Variants in TIPARP observed in about 807,000 individuals in gnomAD.
TIPARP encodes protein mono-ADP-ribosyltransferase TIPARP.
TIPARP carries 12 observed loss-of-function variants against 56.5 expected under a neutral mutation model. The ratio of observed to expected loss-of-function variants is 0.21; its 90% CI spans 0.14 to 0.34. The LOEUF (loss-of-function observed/expected upper bound fraction) is 0.34. TIPARP is among the 10% of genes least tolerant of loss of function. The pLI is 1.00. For missense variants in TIPARP, 604 were observed against 781.6 expected (o/e 0.77, Z 2.71); for synonymous variants, 296 against 265.7 (o/e 1.11, Z -1.11).
intron 4 of TIPARP, among the ~76,000 whole-genome samples, chr3:156,701,589 A>T (rs1236635684): frequency 6.6e-6 from 1 of 152,198 alleles, no homozygotes; most frequent in Non-Finnish European, 1.5e-5. Flanking sequence ...CAGATTAGTG[A>T]TGGCTTTTTA....
chr3:156,688,383 A>G (rs1722480585), intron 2 of TIPARP, among the ~76,000 whole-genome samples: 2 of 136,388 alleles, frequency 1.5e-5, no homozygotes, highest in African/African-American at 5.2e-5. Flanking sequence ...AAAAAAAAAA[A>G]AAAAAAAAAA....
At chr3:156,701,072 A>G (rs146362804) in intron 4 of TIPARP, among the ~76,000 whole-genome samples, 1 of 152,344 alleles carries the variant, frequency 6.6e-6, no homozygotes, top group African/African-American at 2.4e-5. Flanking sequence ...AGATGTGTAT[A>G]TGCATTTTTA....
rs10631452 is a variant in TIPARP at position 156,695,826 on chromosome 3, C to CTTTTTTTTTTTTTTTT, written c.1087-37_1087-22dup. 43 of 1,031,206 alleles carry CTTTTTTTTTTTTTTTT rather than the reference C, an allele frequency of 4.2e-5. 6 individuals are homozygous for CTTTTTTTTTTTTTTTT. Among genetic ancestry groups the CTTTTTTTTTTTTTTTT allele is most frequent in the South Asian group, 3.4e-4 (11 of 32,826 alleles). The allele number at this position is 1,031,206 out of a possible 1,614,324, so 63.9% of individuals were successfully genotyped here. On this transcript the variant is annotated intron_variant, in intron 3 of 5. Transcript: ENST00000295924. ...TTTTTAACCATGATTATTAACTTTCCTTTTTTTTTTTTTTTTTGTTCTGTT... is the reference window on the plus strand; with the variant it reads ...TTTTTAACCATGATTATTAACTTTCCTTTTTTTTTTTTTTTTTTTTTTTTTTTTTTTTTGTTCTGTT...
At chr3:156,693,993 GT>G (rs748090673) in intron 2 of TIPARP, 26 bp from the exon 3 acceptor site, 110 of 1,560,268 alleles carry the variant, frequency 7.1e-5, no homozygotes, top group Admixed American at 1.9e-4. Flanking sequence ...AGGTTTTTGG[GT>G]TTTTTTTGTT....
intron 2 of TIPARP, among the ~76,000 whole-genome samples, chr3:156,689,906 G>A (rs1722522658): frequency 1.3e-5 from 2 of 152,172 alleles, no homozygotes; most frequent in Non-Finnish European, 2.9e-5. Context: ...TTTTCCAGCA[G>A]AGGTAAGCCA....
At chr3:156,704,001 A>C (rs1451238588) in intron 5 of TIPARP, among the ~76,000 whole-genome samples, 2 of 128,300 alleles carry the variant, frequency 1.6e-5, no homozygotes, top group East Asian at 4.6e-4. Flanking sequence ...CGACAGAGCC[A>C]GACTCCGTCT....
chr3:156,680,671 A>C (rs1350293530), intron 2 of TIPARP, among the ~76,000 whole-genome samples: 1 of 152,230 alleles, frequency 6.6e-6, no homozygotes, highest in African/African-American at 2.4e-5. Context: ...TTGATCCCAG[A>C]AAATCCAGGA....
intron 5 of TIPARP, 95 bp from the exon 6 acceptor site, chr3:156,704,589 A>G: frequency 1.5e-6 from 2 of 1,351,454 alleles, no homozygotes; most frequent in Non-Finnish European, 2.0e-6. Flanking sequence ...ATAACTCCTC[A>G]TTAAAACCAT....
chr3:156,695,847 C>CTTG lies in TIPARP; in HGVS notation c.1087-17_1087-16insTGT. On this transcript the variant is annotated splice_polypyrimidine_tract_variant and intron_variant, in intron 3 of 5. Transcript: ENST00000295924. ...TTTCCTTTTTTTTTTTTTTTTTGTTCTGTTTTCTCCTCCATAGTCTGTCAT... is the reference window on the plus strand; with the variant it reads ...TTTCCTTTTTTTTTTTTTTTTTGTTCTTGTGTTTTCTCCTCCATAGTCTGTCAT... 3 of 580,100 alleles carry CTTG rather than the reference C, an allele frequency of 5.2e-6. No homozygotes were observed. Among genetic ancestry groups the CTTG allele is most frequent in the Non-Finnish European group, 4.6e-6 (2 of 436,564 alleles). The allele number at this position is 580,100 out of a possible 1,614,324, so 35.9% of individuals were successfully genotyped here.
chr3:156,676,614 C>T (rs905071168), intron 1 of TIPARP: 1 of 152,196 alleles, frequency 6.6e-6, no homozygotes, highest in African/African-American at 2.4e-5. Context: ...CCTTGCGTCA[C>T]AGATCTCTTT....
intron 4 of TIPARP, among the ~76,000 whole-genome samples, chr3:156,702,046 TGG>T (rs1157516699): frequency 4.3e-5 from 4 of 93,422 alleles, no homozygotes; most frequent in Admixed American, 2.7e-4. Context: ...GTGGTGGTGG[TGG>T]TGGTGGTGGT....
intron 2 of TIPARP, among the ~76,000 whole-genome samples, chr3:156,691,339 C>G (rs955566427): frequency 2.6e-5 from 4 of 152,190 alleles, no homozygotes; most frequent in African/African-American, 7.2e-5. Context: ...CACCTCCTCT[C>G]CCATATTGCT....
At chr3:156,703,822 G>A (rs1722910909) in intron 5 of TIPARP, 120 bp downstream of exon 5, 2 of 1,059,994 alleles carry the variant, frequency 1.9e-6, no homozygotes, top group Non-Finnish European at 2.6e-6. Flanking sequence ...GACCATCCTA[G>A]CTAACACGGT....
intron 4 of TIPARP, among the ~76,000 whole-genome samples, chr3:156,701,018 A>T (rs148117836): frequency 5.7e-4 from 87 of 152,286 alleles, no homozygotes; most frequent in Non-Finnish European, 9.0e-4. Context: ...CTTGAAACAT[A>T]TTTTTTTAAC....
At chr3:156,694,694 A>G (rs1383437201) in intron 3 of TIPARP, among the ~76,000 whole-genome samples, 1 of 152,236 alleles carries the variant, frequency 6.6e-6, no homozygotes. Context: ...GTGCACTTGC[A>G]TCCTTAGTCT....
Position 156,678,338 on chromosome 3 carries a change from A to C in TIPARP, c.641A>C (p.Lys214Thr). Reference protein sequence around the residue: ...DKLSTELFQDKSEEASLDLVF... With the variant: ...DKLSTELFQDTSEEASLDLVF... The stretch of plus-strand genomic sequence containing the variant: ...CTGAGTACTGAGCTCTTTCAGGACA[A>C]AAGTGAAGAGGCTTCCCTTGACCTC... The change falls in exon 2 of 6, where the codon AAA (lysine) becomes ACA (threonine). Residue 214 changes from lysine to threonine, a missense_variant. Coordinates refer to ENST00000295924, the MANE Select transcript of TIPARP (RefSeq NM_015508.5). The C allele has an allele frequency of 6.2e-7, 1 of 1,614,228 alleles. No individual in the cohort carries two copies. The highest frequency in any genetic ancestry group is 8.5e-7 in the Non-Finnish European group (1 of 1,180,040).
In TIPARP at chr3:156,681,254, G is replaced by C. The variant is rs773503403; in HGVS notation, c.917+2640G>C. The C allele has an allele frequency of 6.0e-4, 271 of 454,580 alleles. 3 individuals carry two copies. The highest frequency in any genetic ancestry group is 7.9e-4 in the Non-Finnish European group (178 of 225,966). 28.2% of individuals were successfully genotyped at this position (454,580 alleles called of 1,614,324 possible). ...TCTCTGTGGTCAGGCCTGTAAAGCT[G>C]GTCTATCTGTGCAGATTGCGCATAA... On this transcript the variant is annotated intron_variant, in intron 2 of 5. Coordinates refer to ENST00000295924, the MANE Select transcript of TIPARP (RefSeq NM_015508.5).
chr3:156,696,195 G>A (rs1722711431), intron 4 of TIPARP, among the ~76,000 whole-genome samples, 170 bp downstream of exon 4: 1 of 152,102 alleles, frequency 6.6e-6, no homozygotes, highest in African/African-American at 2.4e-5. Flanking sequence ...GTGTAAATAA[G>A]CTACAATAAA....
At chr3:156,693,971 A>G in intron 2 of TIPARP, 49 bp from the exon 3 acceptor site, 1 of 1,537,854 alleles carries the variant, frequency 6.5e-7, no homozygotes, top group Non-Finnish European at 8.7e-7. Flanking sequence ...TCTGTTTTAC[A>G]AATTTATTAA....
Sources: gnomAD v4.1 joint callset for allele counts (sites outside exome capture counted in the v4.1 genomes callset) on GRCh38, gnomAD v4.1.1 for gene constraint, MANE v1.5 for transcripts, NCBI Gene and HGNC (gene_info 2026-07-23, HGNC 2026-07-21) for gene names.